Variants in ERAP1 observed in about 807,000 individuals in gnomAD.
ERAP1 encodes the protein endoplasmic reticulum aminopeptidase 1.
A neutral mutation model predicts 103.7 loss-of-function variants in ERAP1; 86 were observed. The observed-to-expected ratio is 0.83, with a 90% CI of 0.70 to 0.99. ERAP1 has a LOEUF of 0.99. Among genes scored for constraint, ERAP1 ranks in the 50% least tolerant of loss-of-function variants. The probability of loss-of-function intolerance (pLI) is 0.00; values close to 1 mark genes in which losing one functional copy is unlikely to be tolerated. For missense variants in ERAP1, 1,009 were observed against 1,128.4 expected, an observed-to-expected ratio of 0.89 and a Z score of 1.52; for synonymous variants, 398 against 402.4, an observed-to-expected ratio of 0.99 and a Z score of 0.13.
Position 96,774,891 on chromosome 5 carries a change from G to A in ERAP1, c.*1505C>T, listed in dbSNP as rs1278722008. ...AGTCACTCTATTTTGTCGTGTATTA[G>A]GGGAACACATTTTGACATTTTTCGT... is the stretch of plus-strand genomic sequence containing the variant. On this transcript the variant is annotated 3_prime_UTR_variant, in exon 19 of 19. Coordinates refer to ENST00000443439, the MANE Select transcript of ERAP1 (RefSeq NM_001040458.3). The A allele has an allele frequency of 4.1e-6, 4 of 984,662 alleles. No individual in the cohort carries two copies. The highest frequency in any genetic ancestry group is 1.2e-6 in the Non-Finnish European group (1 of 829,506). 61.0% of individuals were successfully genotyped at this position (984,662 alleles called of 1,614,324 possible).
chr5:96,933,371 T>TA, the ERAP1 span, among the ~76,000 whole-genome samples: 1 of 152,052 alleles, frequency 6.6e-6, no homozygotes. Flanking sequence ...TAGCTGGGAT[T>TA]ACAGGTGTGT....
the ERAP1 span, among the ~76,000 whole-genome samples, chr5:96,899,157 G>C: frequency 2.0e-5 from 3 of 152,184 alleles, no homozygotes; most frequent in African/African-American, 7.2e-5. Flanking sequence ...GTTTATAAGT[G>C]AGAAAACTGA....
At chr5:96,762,588 A>G (rs1408702078) in exon 20 of ERAP1, 2 of 456,464 alleles carry the variant, frequency 4.4e-6, no homozygotes, top group African/African-American at 4.0e-5. Flanking sequence ...AACATTGTAC[A>G]CATAGTCAAG....
chr5:96,783,820 C>T (rs1460803323), intron 14 of ERAP1, 104 bp downstream of exon 14: 3 of 122,354 alleles, frequency 2.5e-5, no homozygotes, highest in Non-Finnish European at 3.5e-5. Context: ...TATAAAGATA[C>T]ACACACACAC....
the ERAP1 span, chr5:96,886,524 GC>G: frequency 1.2e-5 from 7 of 590,988 alleles, no homozygotes; most frequent in South Asian, 6.4e-5. Context: ...AGAGGCCATT[GC>G]CCCCCTAGGA....
the ERAP1 span, among the ~76,000 whole-genome samples, chr5:96,892,915 T>C: frequency 6.6e-6 from 1 of 152,244 alleles, no homozygotes; most frequent in Non-Finnish European, 1.5e-5. Flanking sequence ...GATGGGTTGA[T>C]GATCCTGGGC....
At chr5:96,796,349 A>G (rs1476054327) in intron 4 of ERAP1, among the ~76,000 whole-genome samples, 1 of 152,204 alleles carries the variant, frequency 6.6e-6, no homozygotes, top group Non-Finnish European at 1.5e-5. Flanking sequence ...CAAATGAGGA[A>G]CAAGTGTGCC....
At chr5:96,780,606 C>G in intron 17 of ERAP1, 102 bp from the exon 18 acceptor site, 1 of 921,990 alleles carries the variant, frequency 1.1e-6, no homozygotes, top group Non-Finnish European at 1.8e-6. Context: ...AAAAACTGAT[C>G]GGTGTGAAAA....
chr5:96,909,207 G>C, the ERAP1 span: 2 of 1,292,688 alleles, frequency 1.5e-6, no homozygotes, highest in Admixed American at 3.7e-5. Flanking sequence ...AAGTCCTTGA[G>C]GTTAAATCTG....
the ERAP1 span, among the ~76,000 whole-genome samples, chr5:96,829,098 G>A: frequency 2.6e-5 from 4 of 152,248 alleles, no homozygotes; most frequent in African/African-American, 9.6e-5. Flanking sequence ...CGCCCGCCTC[G>A]GCCTCCCAAA....
chr5:96,828,478 A>G, the ERAP1 span, among the ~76,000 whole-genome samples: 2 of 152,200 alleles, frequency 1.3e-5, no homozygotes, highest in Admixed American at 1.3e-4. Context: ...GAAAAATAAA[A>G]CAAATAAGTG....
chr5:96,868,117 C>A, the ERAP1 span, among the ~76,000 whole-genome samples: 2 of 152,038 alleles, frequency 1.3e-5, no homozygotes, highest in African/African-American at 4.8e-5. Context: ...AAACTCTATT[C>A]TCAGGCTACC....
the ERAP1 span, chr5:96,900,369 C>T: frequency 4.4e-6 from 4 of 909,184 alleles, no homozygotes; most frequent in African/African-American, 5.0e-5. Context: ...GGGGACAATG[C>T]TGTTGCTACT....
chr5:96,917,391 GATTACA>G, the ERAP1 span: 6 of 1,475,432 alleles, frequency 4.1e-6, no homozygotes, highest in East Asian at 2.4e-5. Context: ...GAAGTGCTGG[GATTACA>G]GGTGTGAACC....
At chr5:96,825,114 A>C in the ERAP1 span, among the ~76,000 whole-genome samples, 3 of 152,212 alleles carry the variant, frequency 2.0e-5, no homozygotes, top group Non-Finnish European at 4.4e-5. Context: ...AAGTTCCATG[A>C]GGCCAGGACT....
At chr5:96,930,796 A>G in the ERAP1 span, among the ~76,000 whole-genome samples, 1 of 152,226 alleles carries the variant, frequency 6.6e-6, no homozygotes, top group African/African-American at 2.4e-5. Flanking sequence ...CTGTCAATGC[A>G]ATAGAGATTG....
At position 96,776,001 on chromosome 5, in the gene ERAP1, G is replaced by T; in HGVS notation, c.*395C>A. 1 of 1,088,940 alleles carries T rather than the reference G, an allele frequency of 9.2e-7. No homozygotes were observed. Among genetic ancestry groups the T allele is most frequent in the Middle Eastern group, 3.2e-4 (1 of 3,124 alleles). 67.5% of individuals were successfully genotyped at this position (1,088,940 alleles called of 1,614,324 possible). A position where few individuals can be genotyped will look rare whatever the true frequency, so the allele number is the denominator to read the frequency against. Reference sequence around the variant, plus strand: ...ATCGTCCGGCTTAGTCTCAGATCCAGGTGTTCATTGTTCAGTAGTCGACTA... The same window carrying T: ...ATCGTCCGGCTTAGTCTCAGATCCATGTGTTCATTGTTCAGTAGTCGACTA... On this transcript the variant is annotated 3_prime_UTR_variant, in exon 19 of 19. Transcript: ENST00000443439.
upstream of ERAP1, among the ~76,000 whole-genome samples, chr5:96,809,221 T>G (rs1260461347): frequency 6.6e-6 from 1 of 152,218 alleles, no homozygotes; most frequent in Non-Finnish European, 1.5e-5. Context: ...AGCAAGGTCT[T>G]TATGACCTGT....
the ERAP1 span, among the ~76,000 whole-genome samples, chr5:96,884,165 AG>A: frequency 2.0e-5 from 3 of 151,990 alleles, no homozygotes; most frequent in Non-Finnish European, 4.4e-5. Flanking sequence ...TCCCAAGCAA[AG>A]TGATTTATAT....
Sources: allele counts gnomAD v4.1 joint callset (sites outside exome capture counted in the v4.1 genomes callset), GRCh38; gene constraint gnomAD v4.1.1; transcripts MANE v1.5; gene names NCBI Gene and HGNC (gene_info 2026-07-23, HGNC 2026-07-21).